The following CERS6 variants were observed in gnomAD, a reference collection of about 807,000 sequenced individuals.
CERS6 encodes the protein LAG1 homolog, ceramide synthase 6.
Under a neutral mutation model 56.8 loss-of-function variants are expected in CERS6, and 26 were observed. The observed-to-expected ratio is 0.46, with a 90% CI of 0.34 to 0.63. CERS6 has a LOEUF of 0.63. CERS6 is among the 30% of genes least tolerant of loss of function. CERS6 has a pLI of 0.01. For synonymous variants in CERS6, 164 were observed against 173.3 expected (o/e 0.95, Z 0.42); for missense variants, 415 against 467.5 (o/e 0.89, Z 1.04).
intron 8 of CERS6, among the ~76,000 whole-genome samples, chr2:168,738,928 C>T (rs898159107): frequency 6.6e-6 from 1 of 152,030 alleles, no homozygotes; most frequent in African/African-American, 2.4e-5. Flanking sequence ...ACTCTGTTGC[C>T]AGGCTGGAGT....
intron 3 of CERS6, among the ~76,000 whole-genome samples, chr2:168,598,797 A>G (rs371936481): frequency 9.2e-5 from 14 of 152,338 alleles, no homozygotes; most frequent in South Asian, 6.2e-4. Flanking sequence ...GTGATACAAC[A>G]TAGAACAATT....
intron 1 of CERS6, among the ~76,000 whole-genome samples, chr2:168,468,302 T>G (rs979322683): frequency 6.6e-6 from 1 of 152,192 alleles, no homozygotes; most frequent in Admixed American, 6.5e-5. Flanking sequence ...CTTCCCCTGG[T>G]CTAGCCCCAG....
chr2:168,752,292 T>TGTGTGTGC (rs1170690982), intron 8 of CERS6, among the ~76,000 whole-genome samples: 1 of 148,214 alleles, frequency 6.7e-6, no homozygotes, highest in Non-Finnish European at 1.5e-5. Flanking sequence ...TGTGTGTGTG[T>TGTGTGTGC]GTGTGTGTGT....
At chr2:168,688,725 T>G (rs1455286189) in intron 4 of CERS6, among the ~76,000 whole-genome samples, 3 of 152,180 alleles carry the variant, frequency 2.0e-5, no homozygotes, top group Non-Finnish European at 2.9e-5. Flanking sequence ...AGAAAACTTG[T>G]GAGCTGAACT....
intron 4 of CERS6, among the ~76,000 whole-genome samples, chr2:168,679,320 A>T (rs1686150763): frequency 2.6e-5 from 4 of 152,214 alleles, no homozygotes. Flanking sequence ...GAGGCTTTTG[A>T]GTGGTTTCAC....
At chr2:168,689,481 C>G (rs1686442628) in intron 4 of CERS6, among the ~76,000 whole-genome samples, 1 of 151,984 alleles carries the variant, frequency 6.6e-6, no homozygotes, top group East Asian at 1.9e-4. Flanking sequence ...ATTTTTTATT[C>G]TTTATTTTTT....
chr2:168,602,718 G>A (rs548370843), intron 3 of CERS6, among the ~76,000 whole-genome samples: 45 of 152,282 alleles, frequency 3.0e-4, no homozygotes, highest in African/African-American at 9.6e-4. Context: ...CTGATGAAGC[G>A]AAGTTCAGGT....
chr2:168,535,630 T>A (rs1012236855), intron 1 of CERS6, among the ~76,000 whole-genome samples: 4 of 150,162 alleles, frequency 2.7e-5, no homozygotes, highest in African/African-American at 9.8e-5. Context: ...CTGTTTATAG[T>A]CGGCCATCTT....
chr2:168,650,120 C>A (rs921710687), intron 4 of CERS6, among the ~76,000 whole-genome samples: 15 of 152,262 alleles, frequency 9.9e-5, no homozygotes, highest in Admixed American at 7.8e-4. Context: ...CGTAGCAGTG[C>A]TTTACCTGTA....
intron 1 of CERS6, among the ~76,000 whole-genome samples, chr2:168,464,273 C>T (rs1437044526): frequency 1.3e-5 from 2 of 150,554 alleles, no homozygotes; most frequent in African/African-American, 2.4e-5. Flanking sequence ...GCTACTGCAA[C>T]CTCTGACTCC....
At chr2:168,564,143 A>G (rs1345837938) in intron 3 of CERS6, among the ~76,000 whole-genome samples, 1 of 152,102 alleles carries the variant, frequency 6.6e-6, no homozygotes, top group Non-Finnish European at 1.5e-5. Flanking sequence ...CCTACCTTCC[A>G]TTCTGTGTGT....
At chr2:168,609,128 A>C (rs1684124896) in intron 3 of CERS6, among the ~76,000 whole-genome samples, 1 of 152,180 alleles carries the variant, frequency 6.6e-6, no homozygotes, top group East Asian at 1.9e-4. Context: ...ATCAGTAGGG[A>C]GAGGTTATCT....
intron 4 of CERS6, among the ~76,000 whole-genome samples, chr2:168,674,304 G>A (rs1037447159): frequency 6.6e-6 from 1 of 152,158 alleles, no homozygotes; most frequent in Non-Finnish European, 1.5e-5. Context: ...TGAAAATCCT[G>A]AAGGTTGATT....
At chr2:168,698,893 C>T (rs1686735167) in intron 6 of CERS6, among the ~76,000 whole-genome samples, 1 of 152,250 alleles carries the variant, frequency 6.6e-6, no homozygotes, top group Non-Finnish European at 1.5e-5. Context: ...ATATGAATAG[C>T]ATGTTTTAGA....
intron 1 of CERS6, among the ~76,000 whole-genome samples, chr2:168,533,141 A>G (rs1423254158): frequency 6.6e-6 from 1 of 152,236 alleles, no homozygotes; most frequent in Admixed American, 6.5e-5. Context: ...CTTGTTGTGT[A>G]TCTTGCATTT....
At chr2:168,486,698 A>G (rs930942513) in intron 1 of CERS6, among the ~76,000 whole-genome samples, 3 of 152,238 alleles carry the variant, frequency 2.0e-5, no homozygotes, top group East Asian at 1.9e-4. Flanking sequence ...AATTTGTAGT[A>G]CTTGCTTTGG....
At chr2:168,550,526 G>T (rs72875973) in intron 2 of CERS6, among the ~76,000 whole-genome samples, 128 of 152,236 alleles carry the variant, frequency 8.4e-4, no homozygotes, top group Middle Eastern at 3.4e-3. Flanking sequence ...AATGGCATGG[G>T]GAGACTCTTG....
chr2:168,662,318 T>C (rs1685651558), intron 4 of CERS6, among the ~76,000 whole-genome samples: 1 of 152,248 alleles, frequency 6.6e-6, no homozygotes, highest in African/African-American at 2.4e-5. Context: ...CTTTTTTGGC[T>C]AGTGCAATTG....
chr2:168,475,923 A>G (rs1172597701), intron 1 of CERS6, among the ~76,000 whole-genome samples: 2 of 152,204 alleles, frequency 1.3e-5, no homozygotes, highest in Non-Finnish European at 2.9e-5. Context: ...ACCCTCTCAC[A>G]TGCAAGTCCG....
Sources: allele counts gnomAD v4.1 joint callset (sites outside exome capture counted in the v4.1 genomes callset), GRCh38; gene constraint gnomAD v4.1.1; transcripts MANE v1.5; gene names NCBI Gene and HGNC (gene_info 2026-07-23, HGNC 2026-07-21).